CIRSR: variants seen among roughly 807,000 people sequenced by gnomAD.
CIRSR encodes the protein corepressor of RBPJ and splicing regulator, also known as CBF1 (RBPJ) interacting corepressor 1.
At chr2:174,354,116 G>A in the CIRSR span, among the ~76,000 whole-genome samples, 1 of 151,506 alleles carries the variant, frequency 6.6e-6, no homozygotes, top group African/African-American at 2.4e-5. Flanking sequence ...TATTTCCCCA[G>A]TGTTACAGAG....
the CIRSR span, among the ~76,000 whole-genome samples, chr2:174,385,234 A>ACT: frequency 7.0e-6 from 1 of 142,540 alleles, no homozygotes; most frequent in Non-Finnish European, 1.5e-5. Context: ...AAAAAAAAAA[A>ACT]AAATTTTTTT....
chr2:174,348,503 T>C, the CIRSR span: 2 of 1,599,496 alleles, frequency 1.3e-6, no homozygotes, highest in Non-Finnish European at 1.7e-6. Flanking sequence ...TGCTTCATTC[T>C]CTTTGTGTCA....
the CIRSR span, chr2:174,349,064 A>C: frequency 6.3e-7 from 1 of 1,583,664 alleles, no homozygotes; most frequent in Non-Finnish European, 8.6e-7. Flanking sequence ...AGGAGGAGGA[A>C]GATGAGGAAG....
At chr2:174,348,504 C>G in the CIRSR span, 3 of 1,602,752 alleles carry the variant, frequency 1.9e-6, no homozygotes, top group African/African-American at 4.0e-5. Context: ...GCTTCATTCT[C>G]TTTGTGTCAC....
chr2:174,384,040 G>A, the CIRSR span, among the ~76,000 whole-genome samples: 1 of 151,926 alleles, frequency 6.6e-6, no homozygotes. Flanking sequence ...ATACCCAAAG[G>A]AACTAAAAAC....
the CIRSR span, chr2:174,348,921 T>C: frequency 6.2e-7 from 1 of 1,614,148 alleles, no homozygotes; most frequent in South Asian, 1.1e-5. Context: ...AGACTTGTCC[T>C]TCTCTTCAGA....
chr2:174,382,200 A>G, the CIRSR span, among the ~76,000 whole-genome samples: 1 of 152,318 alleles, frequency 6.6e-6, no homozygotes, highest in East Asian at 1.9e-4. Context: ...GTTTTTTCCC[A>G]CCAAAAAAAG....
At chr2:174,369,105 C>T in the CIRSR span, among the ~76,000 whole-genome samples, 1 of 152,230 alleles carries the variant, frequency 6.6e-6, no homozygotes, top group African/African-American at 2.4e-5. Context: ...AAGGCTGTTT[C>T]ATCTACATTG....
At chr2:174,365,759 C>A in the CIRSR span, among the ~76,000 whole-genome samples, 2 of 152,290 alleles carry the variant, frequency 1.3e-5, no homozygotes, top group East Asian at 1.9e-4. Flanking sequence ...GATTCATTTA[C>A]CTCCCACTGG....
At chr2:174,392,762 A>G in the CIRSR span, among the ~76,000 whole-genome samples, 2 of 152,222 alleles carry the variant, frequency 1.3e-5, no homozygotes, top group Non-Finnish European at 2.9e-5. Flanking sequence ...AGCAAGTATA[A>G]AAAGGGCTGA....
At chr2:174,378,797 C>A in the CIRSR span, 1 of 759,000 alleles carries the variant, frequency 1.3e-6, no homozygotes. Context: ...TGGTCTTAGT[C>A]AAAAACAAAC....
At chr2:174,379,987 C>T in the CIRSR span, among the ~76,000 whole-genome samples, 15 of 151,776 alleles carry the variant, frequency 9.9e-5, no homozygotes, top group African/African-American at 1.7e-4. Context: ...CCTCCCAAAG[C>T]GCTGAAATTA....
chr2:174,389,660 T>C, the CIRSR span, among the ~76,000 whole-genome samples: 1 of 152,008 alleles, frequency 6.6e-6, no homozygotes, highest in Non-Finnish European at 1.5e-5. Flanking sequence ...CAAGGGAAAA[T>C]GTCTCCAGGG....
At chr2:174,348,461 A>G in the CIRSR span, 22 of 1,546,760 alleles carry the variant, frequency 1.4e-5, no homozygotes, top group Non-Finnish European at 1.9e-5. Context: ...ATTCCCAGGT[A>G]ATTGTCACAT....
At chr2:174,368,251 C>G in the CIRSR span, among the ~76,000 whole-genome samples, 59 of 152,206 alleles carry the variant, frequency 3.9e-4, 2 homozygotes, top group East Asian at 5.0e-3. Context: ...AATACTTCCT[C>G]TAACAACAGC....
At chr2:174,385,108 A>G in the CIRSR span, among the ~76,000 whole-genome samples, 1 of 151,630 alleles carries the variant, frequency 6.6e-6, no homozygotes, top group East Asian at 1.9e-4. Context: ...CCAGCTATTC[A>G]GGAGACCGAA....
chr2:174,392,538 T>C, the CIRSR span, among the ~76,000 whole-genome samples: 1 of 151,880 alleles, frequency 6.6e-6, no homozygotes, highest in Non-Finnish European at 1.5e-5. Context: ...AATGCAACAA[T>C]ATAGGTGAAA....
chr2:174,370,034 G>A, the CIRSR span: 1 of 1,363,952 alleles, frequency 7.3e-7, no homozygotes, highest in Admixed American at 1.9e-5. Context: ...GCAAGAAAGT[G>A]AAGCATGATC....
chr2:174,365,407 C>T, the CIRSR span, among the ~76,000 whole-genome samples: 1 of 152,314 alleles, frequency 6.6e-6, no homozygotes, highest in African/African-American at 2.4e-5. Context: ...TCTGCTGTTA[C>T]CCAGTTCCAA....
Sources: allele counts gnomAD v4.1 joint callset (sites outside exome capture counted in the v4.1 genomes callset), GRCh38; gene constraint gnomAD v4.1.1; transcripts MANE v1.5; gene names NCBI Gene and HGNC (gene_info 2026-07-23, HGNC 2026-07-21).